MAP3K9: variants seen among roughly 807,000 people sequenced by gnomAD.
MAP3K9 encodes mixed lineage kinase 1 (tyr and ser/thr specificity).
A neutral mutation model predicts 95.8 loss-of-function variants in MAP3K9; 46 were observed. The ratio of observed to expected loss-of-function variants is 0.48; its 90% CI spans 0.38 to 0.61. The LOEUF (loss-of-function observed/expected upper bound fraction) is 0.61. Ranked by LOEUF, MAP3K9 falls within the 20% of genes least tolerant of loss-of-function variation. MAP3K9 has a pLI of 0.00. For synonymous variants in MAP3K9, 533 were observed against 593.8 expected (o/e 0.90, Z 1.49); for missense variants, 1,296 against 1,474.3 (o/e 0.88, Z 1.98).
rs1185259999 is a variant in MAP3K9, at chr14:70,788,013, GA to G, written c.820+12653del. Among the ~76,000 whole-genome samples, 13 of 152,220 alleles carry G rather than the reference GA, an allele frequency of 8.5e-5. No homozygotes were observed. The East Asian group carries it at 2.5e-3, about 29-fold the overall frequency. On this transcript the variant is annotated intron_variant, in intron 2 of 11. Transcript: ENST00000554752. Reference sequence around the variant, plus strand: ...CTATTGGGATTTCTATGTTTTCATAGAAAAAAAGTTATCAGAGACAAAAAGA... The same window carrying G: ...CTATTGGGATTTCTATGTTTTCATAGAAAAAAGTTATCAGAGACAAAAAGA...
At chr14:70,783,340 T>G (rs898495985) in intron 2 of MAP3K9, 2 of 985,144 alleles carry the variant, frequency 2.0e-6, no homozygotes, top group Non-Finnish European at 2.4e-6. Flanking sequence ...TCCAAAGGTT[T>G]CATATGATCC....
rs183567167 is a variant in MAP3K9 at position 70,801,330 on chromosome 14, A to G, written c.407-250T>C. On this transcript the variant is annotated intron_variant, in intron 1 of 11. Coordinates refer to ENST00000554752, the MANE Select transcript of MAP3K9 (RefSeq NM_001284230.2). ...TTCATGAAAAAAAATCCCACCTGGA[A>G]AATCATGCAGAATCCTGTACCAAAA... 8.5e-5 allele frequency among the ~76,000 whole-genome samples: 13 copies of G among 152,372 alleles called. No homozygotes were observed. The East Asian group carries it at 2.5e-3, about 29-fold the overall frequency.
At chr14:70,801,404 T>C (rs897095073) in intron 1 of MAP3K9, among the ~76,000 whole-genome samples, 4 of 152,220 alleles carry the variant, frequency 2.6e-5, no homozygotes, top group Non-Finnish European at 5.9e-5. Context: ...TTTTTTTCTT[T>C]TCTTTCTTCC....
intron 11 of MAP3K9, 83 bp from the exon 12 acceptor site, chr14:70,730,947 C>G (rs772202004): frequency 6.8e-5 from 94 of 1,384,190 alleles, no homozygotes; most frequent in Non-Finnish European, 1.6e-5. Flanking sequence ...CCCAACACCA[C>G]CATATCCCTA....
intron 2 of MAP3K9, among the ~76,000 whole-genome samples, chr14:70,795,104 T>C (rs1189703954): frequency 2.7e-5 from 4 of 147,854 alleles, no homozygotes; most frequent in African/African-American, 9.9e-5. Context: ...AGTGATTCTC[T>C]TGCCTCAGCT....
At chr14:70,778,536 A>G (rs2054630969) in intron 2 of MAP3K9, among the ~76,000 whole-genome samples, 2 of 152,254 alleles carry the variant, frequency 1.3e-5, no homozygotes, top group South Asian at 2.1e-4. Context: ...TCGGCCTCCC[A>G]AAGTGCAGGG....
chr14:70,749,074 AC>A, intron 4 of MAP3K9, 70 bp from the exon 5 acceptor site: 1 of 1,403,292 alleles, frequency 7.1e-7, no homozygotes, highest in Non-Finnish European at 9.7e-7. Context: ...TTAGGCTATT[AC>A]ATGGCCTCAC....
chr14:70,742,905 ATATATT>A (rs1050099930), intron 5 of MAP3K9, among the ~76,000 whole-genome samples: 6 of 34,608 alleles, frequency 1.7e-4, no homozygotes, highest in African/African-American at 2.3e-4. Flanking sequence ...TGTGATTTAT[ATATATT>A]TATATATATA....
chr14:70,764,991 GT>G (rs1198646142), intron 2 of MAP3K9, among the ~76,000 whole-genome samples: 10 of 152,134 alleles, frequency 6.6e-5, no homozygotes, highest in African/African-American at 2.4e-4. Context: ...TGTTTATAAA[GT>G]TAAAAAGTTA....
chr14:70,733,762 A>G (rs772378118), intron 10 of MAP3K9: 68 of 718,250 alleles, frequency 9.5e-5, no homozygotes, highest in Admixed American at 3.0e-4. Context: ...CCCACCTTCA[A>G]TGTCGATGGG....
chr14:70,790,774 C>A (rs910014177), intron 2 of MAP3K9, among the ~76,000 whole-genome samples: 1 of 152,124 alleles, frequency 6.6e-6, no homozygotes, highest in Non-Finnish European at 1.5e-5. Flanking sequence ...ACAGTAAAGA[C>A]CTGGGCTCCC....
At chr14:70,740,190 T>C (rs1256843783) in intron 6 of MAP3K9, 26 bp from the exon 7 acceptor site, 24 of 1,604,132 alleles carry the variant, frequency 1.5e-5, no homozygotes, top group Non-Finnish European at 2.0e-5. Flanking sequence ...CAAACACGTG[T>C]ATGCATTAAC....
rs140112315 is a variant in MAP3K9 at position 70,732,540 on chromosome 14, T to C, written c.2829A>G (p.Ala943=). 36 of 1,550,018 alleles carry C rather than the reference T, an allele frequency of 2.3e-5. No individual in the cohort carries two copies. In the African/African-American group the frequency reaches 4.6e-4, roughly 20 times the overall value. The part of the protein sequence containing the change: ...SSNGLSPSPG[A]GMLKTPSPSR... ...AGAGAAAAGAGGAAGAAGACTCACC[T>C]GCTCCAGGACTGGGGCTCAACCCAT... Residue 943 remains alanine (A), a splice_region_variant and synonymous_variant, in exon 11 of 12, where the codon GCA becomes GCG. Transcript: ENST00000554752.
intron 3 of MAP3K9, among the ~76,000 whole-genome samples, chr14:70,756,233 G>A (rs548639267): frequency 3.9e-5 from 6 of 152,146 alleles, no homozygotes; most frequent in Non-Finnish European, 5.9e-5. Context: ...GGGAAGGTAC[G>A]AAGGTACTTG....
At chr14:70,758,840 G>A (rs2054331939) in intron 3 of MAP3K9, among the ~76,000 whole-genome samples, 1 of 151,448 alleles carries the variant, frequency 6.6e-6, no homozygotes, top group African/African-American at 2.4e-5. Flanking sequence ...CTGGCTCACT[G>A]CAACCTCTGC....
chr14:70,752,321 G>A (rs1353000693), intron 3 of MAP3K9, among the ~76,000 whole-genome samples: 1 of 152,134 alleles, frequency 6.6e-6, no homozygotes, highest in East Asian at 1.9e-4. Flanking sequence ...TTTAATCTTT[G>A]CATTCTCAGG....
chr14:70,785,846 C>T (rs560377206), intron 2 of MAP3K9, among the ~76,000 whole-genome samples: 21 of 152,192 alleles, frequency 1.4e-4, no homozygotes, highest in East Asian at 1.2e-3. Flanking sequence ...GAATGGTGTG[C>T]AATTTAAAAC....
At chr14:70,766,199 C>T (rs4902852) in intron 2 of MAP3K9, among the ~76,000 whole-genome samples, 135,607 of 152,108 alleles carry the variant, frequency 0.89, 60,509 homozygotes, top group Middle Eastern at 0.94. Context: ...TTCACTGTAA[C>T]AAGAGTCAGT....
chr14:70,729,626 A>G lies in MAP3K9; in HGVS notation c.*754T>C, dbSNP rs112232918. The G allele has an allele frequency of 0.016, 2,470 of 152,374 alleles. 32 individuals carry two copies. Among genetic ancestry groups the G allele is most frequent in the Non-Finnish European group, 0.025 (1,704 of 68,062 alleles). The allele number at this position is 152,374 out of a possible 1,614,324, so 9.4% of individuals were successfully genotyped here. A position where few individuals can be genotyped will look rare whatever the true frequency, so the allele number is the denominator to read the frequency against. ...ATACTTGCTGGTTTGCCCTTTGCCG[A>G]GAGTTTCCAAAAAGAACAAGGACAT... On this transcript the variant is annotated 3_prime_UTR_variant, in exon 12 of 12. Coordinates refer to ENST00000554752, the MANE Select transcript of MAP3K9 (RefSeq NM_001284230.2).
Sources: gnomAD v4.1 joint callset for allele counts (sites outside exome capture counted in the v4.1 genomes callset) on GRCh38, gnomAD v4.1.1 for gene constraint, MANE v1.5 for transcripts, NCBI Gene and HGNC (gene_info 2026-07-23, HGNC 2026-07-21) for gene names.